CRYL1: variants seen among roughly 807,000 people sequenced by gnomAD.
CRYL1 encodes the protein lambda-crystallin homolog.
In CRYL1, 29 loss-of-function variants were observed where a neutral mutation model predicts 36.6. The observed-to-expected ratio is 0.79, with a 90% CI of 0.59 to 1.08. The LOEUF is 1.08. Among genes scored for constraint, CRYL1 ranks in the 50% least tolerant of loss-of-function variants. The pLI is 0.00. For missense variants in CRYL1, 411 were observed against 407.9 expected (o/e 1.01, Z -0.06); for synonymous variants, 152 against 151.5 (o/e 1.00, Z -0.02).
intron 3 of CRYL1, among the ~76,000 whole-genome samples, chr13:20,470,013 A>G (rs9315609): frequency 0.8 from 122,204 of 152,136 alleles, 49,235 homozygotes; most frequent in Admixed American, 0.86. Flanking sequence ...CAGGGTCCTG[A>G]AGAAGACTAT....
intron 5 of CRYL1, among the ~76,000 whole-genome samples, chr13:20,427,754 C>T (rs1241464899): frequency 9.2e-6 from 1 of 109,138 alleles, no homozygotes. Context: ...AAAAAAAAAT[C>T]AATAAAATTG....
At chr13:20,475,989 G>A (rs566529065) in intron 3 of CRYL1, among the ~76,000 whole-genome samples, 22 of 152,300 alleles carry the variant, frequency 1.4e-4, no homozygotes, top group African/African-American at 4.8e-4. Flanking sequence ...CCTGGCCTGT[G>A]TCACCTGCCC....
chr13:20,464,957 A>G (rs925923816), intron 3 of CRYL1, among the ~76,000 whole-genome samples: 1 of 152,218 alleles, frequency 6.6e-6, no homozygotes, highest in Admixed American at 6.5e-5. Context: ...AGCAACTTTG[A>G]TGATGCTTTC....
chr13:20,455,650 T>C (rs971243849), intron 3 of CRYL1, among the ~76,000 whole-genome samples: 1 of 152,128 alleles, frequency 6.6e-6, no homozygotes, highest in African/African-American at 2.4e-5. Context: ...GAAGACTCAA[T>C]ACTGTTAACA....
At chr13:20,434,243 A>T (rs945763672) in intron 4 of CRYL1, among the ~76,000 whole-genome samples, 2 of 152,174 alleles carry the variant, frequency 1.3e-5, no homozygotes, top group East Asian at 3.9e-4. Context: ...GTCAAGTGTG[A>T]ACTTGGGGAG....
intron 1 of CRYL1, among the ~76,000 whole-genome samples, chr13:20,514,216 G>T (rs2033963543): frequency 6.6e-6 from 1 of 152,164 alleles, no homozygotes; most frequent in Admixed American, 6.5e-5. Flanking sequence ...GAAAAGTTAG[G>T]GTCACCACGC....
At chr13:20,507,595 G>C (rs1454678562) in intron 2 of CRYL1, among the ~76,000 whole-genome samples, 3 of 152,140 alleles carry the variant, frequency 2.0e-5, no homozygotes, top group Non-Finnish European at 4.4e-5. Flanking sequence ...CCTACCTGTT[G>C]CATATACTGT....
intron 5 of CRYL1, among the ~76,000 whole-genome samples, chr13:20,419,332 T>C (rs942180542): frequency 6.6e-6 from 1 of 152,144 alleles, no homozygotes; most frequent in South Asian, 2.1e-4. Context: ...TTGCTCTTGT[T>C]GTCCAGGCTG....
chr13:20,414,256 TGTGTG>T (rs1474089105), intron 5 of CRYL1, among the ~76,000 whole-genome samples: 1,967 of 128,614 alleles, frequency 0.015, 39 homozygotes, highest in African/African-American at 0.071. Flanking sequence ...AGAGATTTTT[TGTGTG>T]TGTGTGTGTG....
intron 5 of CRYL1, among the ~76,000 whole-genome samples, chr13:20,414,660 G>C (rs73160836): frequency 1.3e-5 from 2 of 152,260 alleles, no homozygotes; most frequent in South Asian, 4.1e-4. Flanking sequence ...TGGGGCCCTG[G>C]AATCTTCTGC....
chr13:20,427,226 G>A lies in CRYL1; in HGVS notation c.633+4876C>T, dbSNP rs571381066. On this transcript the variant is annotated intron_variant, in intron 5 of 7. Coordinates refer to ENST00000298248, the MANE Select transcript of CRYL1 (RefSeq NM_015974.3). ...AGCACGCCTCCGGCAGGGGAAGTAA[G>A]TGTCAGTAGATTGTGGCCAGACATG... is the stretch of plus-strand genomic sequence containing the variant. 5.1e-6 allele frequency: 5 copies of A among 985,464 alleles called. No homozygotes were observed. The South Asian group carries it at 1.9e-4, about 37-fold the overall frequency. The allele number at this position is 985,464 out of a possible 1,614,324, so 61.0% of individuals were successfully genotyped here.
At position 20,410,239 on chromosome 13, in the gene CRYL1, G is replaced by T. The variant is rs557093363; in HGVS notation, c.739+3043C>A. Among the ~76,000 whole-genome samples, 188 of 147,510 alleles carry T rather than the reference G, an allele frequency of 1.3e-3. 3 individuals carry two copies. Among genetic ancestry groups the T allele is most frequent in the African/African-American group, 4.7e-3 (186 of 39,830 alleles). ...GAGTTCATGTCCTCTGTAAGGACAT[G>T]GATGAAATTGGAAATCATCATTCTC... On this transcript the variant is annotated intron_variant, in intron 6 of 7. Coordinates refer to ENST00000298248, the MANE Select transcript of CRYL1 (RefSeq NM_015974.3).
chr13:20,411,144 C>T (rs1350768399), intron 6 of CRYL1, among the ~76,000 whole-genome samples: 1 of 152,224 alleles, frequency 6.6e-6, no homozygotes, highest in Non-Finnish European at 1.5e-5. Context: ...ATTCTCCCAA[C>T]TCCAATCTTG....
intron 5 of CRYL1, among the ~76,000 whole-genome samples, chr13:20,413,886 T>C (rs1291117355): frequency 6.6e-6 from 1 of 152,174 alleles, no homozygotes; most frequent in Non-Finnish European, 1.5e-5. Context: ...TATCATATGT[T>C]ATAAATGGCT....
At chr13:20,421,027 C>T (rs561208610) in intron 5 of CRYL1, among the ~76,000 whole-genome samples, 1 of 150,510 alleles carries the variant, frequency 6.6e-6, no homozygotes, top group East Asian at 2.0e-4. Flanking sequence ...GCCACTGCGC[C>T]CAGCCTAAAA....
intron 6 of CRYL1, among the ~76,000 whole-genome samples, chr13:20,410,536 T>TAATA (rs924383340): frequency 7.1e-4 from 108 of 151,968 alleles, no homozygotes; most frequent in South Asian, 2.1e-3. Context: ...AGTATAATAA[T>TAATA]AATAAATAAA....
intron 1 of CRYL1, among the ~76,000 whole-genome samples, chr13:20,519,449 G>C (rs932586585): frequency 3.3e-5 from 5 of 152,140 alleles, no homozygotes; most frequent in Admixed American, 2.0e-4. Flanking sequence ...GGAAATGAAG[G>C]GATGGTGGAA....
chr13:20,466,219 GCCTTCCATACGCC>G (rs1388690770), intron 3 of CRYL1, among the ~76,000 whole-genome samples: 1 of 152,154 alleles, frequency 6.6e-6, no homozygotes. Context: ...TGGCCTCGCA[GCCTTCCATACGCC>G]CCAATCTCCA....
chr13:20,502,113 C>T (rs2033713784), intron 2 of CRYL1, among the ~76,000 whole-genome samples: 1 of 152,156 alleles, frequency 6.6e-6, no homozygotes, highest in African/African-American at 2.4e-5. Flanking sequence ...TGCCTATCTC[C>T]AAAGACTACC....
Sources: allele counts gnomAD v4.1 joint callset (sites outside exome capture counted in the v4.1 genomes callset), GRCh38; gene constraint gnomAD v4.1.1; transcripts MANE v1.5; gene names NCBI Gene and HGNC (gene_info 2026-07-23, HGNC 2026-07-21).